Variants in LRFN2 observed in about 807,000 individuals in gnomAD.
The protein encoded by LRFN2 is leucine-rich repeat and fibronectin type-III domain-containing protein 2.
Under a neutral mutation model 37.3 loss-of-function variants are expected in LRFN2, and 18 were observed. That is an observed-to-expected ratio of 0.48 (90% CI 0.33 to 0.72). The LOEUF (loss-of-function observed/expected upper bound fraction) is 0.72. Among genes scored for constraint, LRFN2 ranks in the 30% least tolerant of loss-of-function variants. The pLI, the probability that LRFN2 is intolerant of heterozygous loss-of-function variation, is 0.02. For synonymous variants in LRFN2, 556 were observed against 466.6 expected, an observed-to-expected ratio of 1.19 and a Z score of -2.47; for missense variants, 1,006 against 1,060.7, an observed-to-expected ratio of 0.95 and a Z score of 0.72.
intron 1 of LRFN2, among the ~76,000 whole-genome samples, chr6:40,506,285 C>A (rs564953059): frequency 1.3e-5 from 2 of 152,226 alleles, no homozygotes; most frequent in Non-Finnish European, 2.9e-5. Context: ...AGAATAAAAA[C>A]CATCCGGGTG....
In LRFN2 at chr6:40,524,872, C is replaced by G. The variant is rs149754634; in HGVS notation, c.-19+62069G>C. Among the ~76,000 whole-genome samples, 442 of 152,316 alleles carry G rather than the reference C, an allele frequency of 2.9e-3. 4 individuals are homozygous for G. The highest frequency in any genetic ancestry group is 0.01 in the African/African-American group (420 of 41,564). ...GAAACTGAGTCAGGGGTCAGTGATT[C>G]TAGAAGCTCCATACCCTGCTCCTTT... On this transcript the variant is annotated intron_variant, in intron 1 of 2. Transcript: ENST00000338305.
At chr6:40,478,454 T>A (rs895367448) in intron 1 of LRFN2, among the ~76,000 whole-genome samples, 1 of 152,172 alleles carries the variant, frequency 6.6e-6, no homozygotes. Flanking sequence ...ACAATTAGTA[T>A]CCTTATTATA....
At chr6:40,473,875 T>A (rs1371361527) in intron 1 of LRFN2, among the ~76,000 whole-genome samples, 1 of 152,062 alleles carries the variant, frequency 6.6e-6, no homozygotes, top group South Asian at 2.1e-4. Flanking sequence ...AGTAGTTACA[T>A]CACCTACCCA....
At chr6:40,566,233 C>A (rs1213724292) in intron 1 of LRFN2, among the ~76,000 whole-genome samples, 2 of 152,234 alleles carry the variant, frequency 1.3e-5, no homozygotes, top group African/African-American at 4.8e-5. Flanking sequence ...AGTCAGGAAA[C>A]AAAGTTGCTG....
intron 1 of LRFN2, among the ~76,000 whole-genome samples, chr6:40,585,393 C>T (rs1397802091): frequency 1.3e-5 from 2 of 152,142 alleles, no homozygotes; most frequent in Non-Finnish European, 2.9e-5. Flanking sequence ...GCCCAGGCAG[C>T]TGGCATGGTC....
intron 1 of LRFN2, among the ~76,000 whole-genome samples, chr6:40,482,616 G>T (rs533194562): frequency 6.6e-6 from 1 of 152,172 alleles, no homozygotes; most frequent in Non-Finnish European, 1.5e-5. Context: ...CCTAGTCTGT[G>T]GTTGCCATGG....
At chr6:40,542,114 C>T (rs1766564590) in intron 1 of LRFN2, among the ~76,000 whole-genome samples, 1 of 152,260 alleles carries the variant, frequency 6.6e-6, no homozygotes, top group Non-Finnish European at 1.5e-5. Flanking sequence ...CGCAAATACA[C>T]ACATACTCCA....
chr6:40,429,245 A>T (rs1289884692), intron 2 of LRFN2, among the ~76,000 whole-genome samples: 1 of 152,176 alleles, frequency 6.6e-6, no homozygotes, highest in Non-Finnish European at 1.5e-5. Flanking sequence ...TGATTACAGG[A>T]GTCTACCCCA....
At chr6:40,429,636 TA>T (rs1183560833) in intron 2 of LRFN2, among the ~76,000 whole-genome samples, 2 of 152,176 alleles carry the variant, frequency 1.3e-5, no homozygotes, top group Non-Finnish European at 2.9e-5. Flanking sequence ...TATTTATATG[TA>T]ATGTATAAAG....
chr6:40,437,829 G>A (rs62395889), intron 1 of LRFN2, among the ~76,000 whole-genome samples: 13,915 of 152,206 alleles, frequency 0.091, 860 homozygotes, highest in East Asian at 0.18. Context: ...TTCCCTCTAA[G>A]TATCTTAGGG....
intron 1 of LRFN2, among the ~76,000 whole-genome samples, chr6:40,439,974 G>C (rs1763792180): frequency 6.6e-6 from 1 of 152,010 alleles, no homozygotes; most frequent in African/African-American, 2.4e-5. Flanking sequence ...GAAGGTTCTA[G>C]CTTAGTGGCT....
chr6:40,510,167 T>G (rs1003790985), intron 1 of LRFN2, among the ~76,000 whole-genome samples: 1 of 151,024 alleles, frequency 6.6e-6, no homozygotes, highest in Non-Finnish European at 1.5e-5. Flanking sequence ...GTAGGAGGGG[T>G]GGGTGCATGC....
chr6:40,429,814 A>G (rs909845915), intron 2 of LRFN2, among the ~76,000 whole-genome samples: 3 of 152,234 alleles, frequency 2.0e-5, no homozygotes, highest in Admixed American at 6.5e-5. Flanking sequence ...AGATTAGTTA[A>G]ATAAATTATA....
intron 1 of LRFN2, among the ~76,000 whole-genome samples, chr6:40,528,612 G>A (rs949424306): frequency 2.6e-5 from 4 of 152,288 alleles, no homozygotes; most frequent in African/African-American, 7.2e-5. Flanking sequence ...TTTGACTTCC[G>A]ATGAGGTTAC....
intron 1 of LRFN2, among the ~76,000 whole-genome samples, chr6:40,561,324 C>T (rs1766990346): frequency 6.6e-6 from 1 of 152,152 alleles, no homozygotes; most frequent in Non-Finnish European, 1.5e-5. Context: ...TAAAAGAGAC[C>T]CCAAGGACCT....
intron 1 of LRFN2, among the ~76,000 whole-genome samples, chr6:40,523,047 C>T (rs1348623382): frequency 1.3e-5 from 2 of 152,186 alleles, no homozygotes; most frequent in Non-Finnish European, 2.9e-5. Flanking sequence ...TGCAAACATG[C>T]ACTGTGACGC....
chr6:40,553,830 T>C (rs903736639), intron 1 of LRFN2, among the ~76,000 whole-genome samples: 3 of 152,214 alleles, frequency 2.0e-5, no homozygotes, highest in Non-Finnish European at 4.4e-5. Flanking sequence ...GCCTTACTTA[T>C]AGGAAGCTGG....
At chr6:40,409,602 GCCT>G (rs991867105) in intron 2 of LRFN2, among the ~76,000 whole-genome samples, 1 of 152,164 alleles carries the variant, frequency 6.6e-6, no homozygotes, top group African/African-American at 2.4e-5. Flanking sequence ...CTGAATCTCA[GCCT>G]CCTCATCTGT....
chr6:40,536,183 G>T (rs188440403), intron 1 of LRFN2, among the ~76,000 whole-genome samples: 1 of 152,162 alleles, frequency 6.6e-6, no homozygotes, highest in African/African-American at 2.4e-5. Context: ...AGAGAGCCAG[G>T]TGCTCCAGCA....
Sources: allele counts gnomAD v4.1 joint callset (sites outside exome capture counted in the v4.1 genomes callset), GRCh38; gene constraint gnomAD v4.1.1; transcripts MANE v1.5; gene names NCBI Gene and HGNC (gene_info 2026-07-23, HGNC 2026-07-21).